The following ASCC3 variants were observed in gnomAD, a reference collection of about 807,000 sequenced individuals.
The protein encoded by ASCC3 is ASC-1 complex subunit P200.
In ASCC3, 158 loss-of-function variants were observed where a neutral mutation model predicts 256.3. The observed-to-expected ratio is 0.62, with a 90% confidence interval of 0.54 to 0.70. The LOEUF (loss-of-function observed/expected upper bound fraction) is 0.70, where lower values mean the gene tolerates loss of function less well. Among genes scored for constraint, ASCC3 ranks in the 30% least tolerant of loss-of-function variants. The probability of loss-of-function intolerance (pLI) is 0.00; values close to 1 mark genes in which losing one functional copy is unlikely to be tolerated. For missense variants in ASCC3, 2,259 were observed against 2,626.0 expected, an observed-to-expected ratio of 0.86 and a Z score of 3.05; for synonymous variants, 948 against 883.4, an observed-to-expected ratio of 1.07 and a Z score of -1.30.
chr6:100,509,155 A>C lies in ASCC3; in HGVS notation c.*231T>G. 1 of 543,594 alleles carries C rather than the reference A, an allele frequency of 1.8e-6. No individual in the cohort carries two copies. The highest frequency in any genetic ancestry group is 3.3e-6 in the Non-Finnish European group (1 of 303,438). 33.7% of individuals were successfully genotyped at this position (543,594 alleles called of 1,614,324 possible). The stretch of plus-strand genomic sequence containing the variant: ...ATTATTCTAAATGCTTTTTCATCTT[A>C]CATATCAAGAAACTCATAAAGATAA... On this transcript the variant is annotated 3_prime_UTR_variant, in exon 42 of 42. Coordinates refer to ENST00000369162, the MANE Select transcript of ASCC3 (RefSeq NM_006828.4).
chr6:100,860,983 T>C (rs1456013542), intron 3 of ASCC3, among the ~76,000 whole-genome samples: 3 of 151,996 alleles, frequency 2.0e-5, no homozygotes, highest in Admixed American at 2.0e-4. Flanking sequence ...CAAAGATCAG[T>C]CCAGTGACAG....
chr6:100,725,812 A>G lies in ASCC3; in HGVS notation c.1738-109T>C, dbSNP rs1375932813. On this transcript the variant is annotated intron_variant, in intron 10 of 41. Coordinates refer to ENST00000369162, the MANE Select transcript of ASCC3 (RefSeq NM_006828.4). ...GGCCACCTCTACATAAATCAAATAA[A>G]AAGTGTTTAGAATAGCCTAGAATTA... The G allele has an allele frequency of 8.9e-6, 10 of 1,123,082 alleles. No individual in the cohort carries two copies. The East Asian group carries it at 1.5e-4, about 17-fold the overall frequency. The allele number at this position is 1,123,082 out of a possible 1,614,324, so 69.6% of individuals were successfully genotyped here. A position where few individuals can be genotyped will look rare whatever the true frequency, so the allele number is the denominator to read the frequency against.
chr6:100,562,370 C>T (rs933598819), intron 36 of ASCC3, among the ~76,000 whole-genome samples: 1 of 152,004 alleles, frequency 6.6e-6, no homozygotes, highest in East Asian at 1.9e-4. Context: ...TATTTTAAAC[C>T]AGCATAAAAA....
In ASCC3 at chr6:100,658,383, T is replaced by A. The variant is rs571577979; in HGVS notation, c.2704-2565A>T. Among the ~76,000 whole-genome samples the A allele has an allele frequency of 2.6e-4, 39 of 151,614 alleles. No individual in the cohort carries two copies. The East Asian group carries it at 7.3e-3, about 28-fold the overall frequency. ...AATTGTTTATTTGAATATGTATTTT[T>A]AAAAAATTGTTGAAATTATATAAAA... On this transcript the variant is annotated intron_variant, in intron 16 of 41. Transcript: ENST00000369162.
chr6:100,804,700 G>A (rs1042661121), intron 5 of ASCC3, among the ~76,000 whole-genome samples: 9 of 152,112 alleles, frequency 5.9e-5, no homozygotes, highest in Admixed American at 2.6e-4. Context: ...ACCACAATGA[G>A]ATACCACTTC....
At chr6:100,748,622 C>T (rs1423221928) in intron 10 of ASCC3, among the ~76,000 whole-genome samples, 2 of 151,918 alleles carry the variant, frequency 1.3e-5, no homozygotes, top group South Asian at 2.1e-4. Context: ...TCAAAAAGCA[C>T]CACATCTTTC....
Position 100,518,056 on chromosome 6 carries a change from C to T in ASCC3, c.5862G>A (p.Arg1954=). The T allele has an allele frequency of 6.2e-7, 1 of 1,613,678 alleles. No individual in the cohort carries two copies. The highest frequency in any genetic ancestry group is 8.5e-7 in the Non-Finnish European group (1 of 1,179,728). Residue 1954 remains arginine, a synonymous_variant, in exon 38 of 42, where the codon CGG becomes CGA. Transcript: ENST00000369162. ...TNLIQMVIQG[R]WLKDSSLLTL... ...TAAGAAGAGAAGAGTCCTTTAACCA[C>T]CGACCCTGGATCACCATCTGAATCA...
At chr6:100,617,159 C>T (rs945695436) in intron 30 of ASCC3, among the ~76,000 whole-genome samples, 9 of 152,118 alleles carry the variant, frequency 5.9e-5, no homozygotes, top group African/African-American at 2.2e-4. Context: ...CACATGCCAC[C>T]ATGCTCAGCT....
chr6:100,718,312 T>A, intron 11 of ASCC3, 61 bp from the exon 12 acceptor site: 1 of 1,395,946 alleles, frequency 7.2e-7, no homozygotes. Flanking sequence ...AAAAACATTA[T>A]AATTTGTCCT....
At chr6:100,805,253 T>C (rs958043630) in intron 5 of ASCC3, among the ~76,000 whole-genome samples, 13 of 152,056 alleles carry the variant, frequency 8.5e-5, no homozygotes, top group African/African-American at 2.9e-4. Context: ...CCTAAGCGAA[T>C]TAACGTAGAA....
intron 36 of ASCC3, among the ~76,000 whole-genome samples, chr6:100,564,984 T>G (rs1356486860): frequency 1.3e-5 from 2 of 152,198 alleles, no homozygotes; most frequent in Non-Finnish European, 2.9e-5. Flanking sequence ...CTATATTTTA[T>G]AAATACTTAG....
At chr6:100,866,054 C>A (rs1773462815) in intron 2 of ASCC3, among the ~76,000 whole-genome samples, 1 of 152,066 alleles carries the variant, frequency 6.6e-6, no homozygotes, top group South Asian at 2.1e-4. Flanking sequence ...ACTGAAACCT[C>A]TGTCTTCCAG....
chr6:100,687,705 G>A (rs925805399), intron 13 of ASCC3, among the ~76,000 whole-genome samples: 8 of 151,972 alleles, frequency 5.3e-5, no homozygotes, highest in East Asian at 1.9e-4. Context: ...ATTTAGCAAT[G>A]CACTTAAAAG....
At chr6:100,732,090 G>A (rs1779927594) in intron 10 of ASCC3, among the ~76,000 whole-genome samples, 1 of 151,856 alleles carries the variant, frequency 6.6e-6, no homozygotes, top group African/African-American at 2.4e-5. Context: ...GAACCCGGGA[G>A]GCGGGGGTTG....
At chr6:100,545,108 G>T (rs1339491279) in intron 36 of ASCC3, among the ~76,000 whole-genome samples, 1 of 152,034 alleles carries the variant, frequency 6.6e-6, no homozygotes, top group African/African-American at 2.4e-5. Context: ...CAACATCCAT[G>T]CCTAACAAAA....
chr6:100,642,450 TAAA>T, intron 24 of ASCC3, 128 bp downstream of exon 24: 3 of 934,002 alleles, frequency 3.2e-6, no homozygotes, highest in Non-Finnish European at 5.0e-6. Context: ...ACAAATGAAA[TAAA>T]AAGGGAGTTA....
intron 41 of ASCC3, 142 bp from the exon 42 acceptor site, chr6:100,509,675 C>T (rs1469114667): frequency 3.4e-5 from 30 of 885,664 alleles, no homozygotes; most frequent in Middle Eastern, 3.4e-4. Flanking sequence ...CCGAGGCGGG[C>T]GGATCACGAG....
chr6:100,662,402 C>A lies in ASCC3; in HGVS notation c.2421G>T (p.Val807=), dbSNP rs766748262. The change falls in exon 15 of 42, where the codon GTG becomes GTT. Residue 807 remains valine (V), a synonymous_variant. Transcript: ENST00000369162. ...CACCCCAGGCTAACGTAGCTGTACA[C>A]ACTAGGACTTTGATATGCCCATTAG... The part of the protein sequence containing the change: ...LFSNGHIKVL[V]CTATLAWGVN... 1 of 1,613,280 alleles carries A rather than the reference C, an allele frequency of 6.2e-7. No homozygotes were observed. Among genetic ancestry groups the A allele is most frequent in the East Asian group, 2.2e-5 (1 of 44,828 alleles).
intron 30 of ASCC3, among the ~76,000 whole-genome samples, chr6:100,613,290 C>T (rs955074900): frequency 6.6e-6 from 1 of 151,834 alleles, no homozygotes; most frequent in African/African-American, 2.4e-5. Context: ...GTATATTATT[C>T]CTCTCCATCC....
Sources: gnomAD v4.1 joint callset for allele counts (sites outside exome capture counted in the v4.1 genomes callset) on GRCh38, gnomAD v4.1.1 for gene constraint, MANE v1.5 for transcripts, NCBI Gene and HGNC (gene_info 2026-07-23, HGNC 2026-07-21) for gene names.